The following TRPM3 variants were observed in gnomAD, a reference collection of about 807,000 sequenced individuals.
The protein encoded by TRPM3 is transient receptor potential cation channel subfamily M member 3.
A neutral mutation model predicts 181.2 loss-of-function variants in TRPM3; 77 were observed. The ratio of observed to expected loss-of-function variants is 0.42; its 90% confidence interval spans 0.35 to 0.51. The LOEUF (loss-of-function observed/expected upper bound fraction) is 0.51. Ranked by LOEUF, TRPM3 falls within the 20% of genes least tolerant of loss-of-function variation. The probability of loss-of-function intolerance (pLI) is 0.01; values close to 1 mark genes in which losing one functional copy is unlikely to be tolerated. For missense variants in TRPM3, 1,759 were observed against 2,196.7 expected (o/e 0.80, Z 3.98); for synonymous variants, 745 against 796.4 (o/e 0.94, Z 1.09).
chr9:71,205,326 A>G (rs2079061764), intron 1 of TRPM3, among the ~76,000 whole-genome samples: 1 of 152,126 alleles, frequency 6.6e-6, no homozygotes, highest in African/African-American at 2.4e-5. Context: ...AATAAGTACT[A>G]TTTTTACTCT....
chr9:70,650,453 A>C (rs1397227292), intron 9 of TRPM3, among the ~76,000 whole-genome samples: 1 of 152,226 alleles, frequency 6.6e-6, no homozygotes, highest in East Asian at 1.9e-4. Context: ...CTTTCTGGGC[A>C]TTGATGATTG....
chr9:71,309,219 T>C lies in TRPM3; in HGVS notation c.183+137434A>G, dbSNP rs139219682. 2.7e-3 allele frequency among the ~76,000 whole-genome samples: 415 copies of C among 152,342 alleles called. 4 individuals are homozygous for C. Among genetic ancestry groups the C allele is most frequent in the African/African-American group, 9.5e-3 (395 of 41,588 alleles). On this transcript the variant is annotated intron_variant, in intron 1 of 24. Coordinates refer to the TRPM3 transcript ENST00000357533. The stretch of plus-strand genomic sequence containing the variant: ...TCTTTTCTGTTGTCCAGCTTTTTAA[T>C]AGCTGTAACGTTTAGGACACCTAGA...
chr9:71,379,170 C>T (rs1480582387), intron 1 of TRPM3, among the ~76,000 whole-genome samples: 2 of 151,888 alleles, frequency 1.3e-5, no homozygotes, highest in Non-Finnish European at 2.9e-5. Context: ...CCTAAAGTGG[C>T]AAATTTATAT....
Position 70,625,507 on chromosome 9 carries a change from G to C in TRPM3, c.1643C>G (p.Pro548Arg). Residue 548 changes from proline to arginine, a missense_variant, in exon 13 of 26, where the codon CCA becomes CGA. Transcript: ENST00000677713. The surrounding 1 kb of genome is among the most constrained non-coding windows in gnomAD (Gnocchi z 4.8). ...CTTAAAATAGATCCAACCGAAACCTGGATACTCTCGCTTGGAAAGAAGACA... is the reference window on the plus strand; with the variant it reads ...CTTAAAATAGATCCAACCGAAACCTCGATACTCTCGCTTGGAAAGAAGACA... ...LVRDVKKREYPGFGWIYFKGN... is the reference protein window; with the variant it reads ...LVRDVKKREYRGFGWIYFKGN... 4 of 1,612,522 alleles carry C rather than the reference G, an allele frequency of 2.5e-6. No homozygotes were observed. The highest frequency in any genetic ancestry group is 3.4e-6 in the Non-Finnish European group (4 of 1,179,534).
intron 6 of TRPM3, among the ~76,000 whole-genome samples, chr9:70,805,218 A>C (rs902853514): frequency 2.5e-5 from 3 of 121,590 alleles, no homozygotes; most frequent in Non-Finnish European, 5.0e-5. Flanking sequence ...TGAGAGAGAG[A>C]CTGGGGTGGG....
chr9:71,330,298 C>T (rs945106073), intron 1 of TRPM3, among the ~76,000 whole-genome samples: 2 of 151,748 alleles, frequency 1.3e-5, no homozygotes, highest in Admixed American at 6.6e-5. Flanking sequence ...CACAGTAACT[C>T]AATTAGGGAA....
chr9:71,316,787 TA>T (rs1398665786), intron 1 of TRPM3, among the ~76,000 whole-genome samples: 1 of 152,142 alleles, frequency 6.6e-6, no homozygotes, highest in Non-Finnish European at 1.5e-5. Flanking sequence ...TTTTATTGTT[TA>T]AACCATTAAG....
intron 1 of TRPM3, among the ~76,000 whole-genome samples, chr9:71,050,197 C>G (rs547065690): frequency 5.4e-4 from 82 of 152,242 alleles, no homozygotes; most frequent in Non-Finnish European, 1.0e-3. Flanking sequence ...GGGATTATGA[C>G]TTATTCACCA....
At chr9:71,000,388 A>C (rs1405316105) in intron 1 of TRPM3, among the ~76,000 whole-genome samples, 1 of 152,226 alleles carries the variant, frequency 6.6e-6, no homozygotes. Context: ...GAAATAAAAT[A>C]AAGTGCTAAA....
chr9:70,685,570 T>C (rs530927591), intron 8 of TRPM3, among the ~76,000 whole-genome samples: 5 of 152,238 alleles, frequency 3.3e-5, no homozygotes, highest in Admixed American at 6.5e-5. Context: ...CACTCTCTGA[T>C]AAATTTTTAA....
intron 9 of TRPM3, among the ~76,000 whole-genome samples, chr9:70,676,040 C>T (rs2134157071): frequency 6.6e-6 from 1 of 152,330 alleles, no homozygotes; most frequent in South Asian, 2.1e-4. Context: ...CCTGCTGTGA[C>T]AATTTCTCAG....
intron 1 of TRPM3, among the ~76,000 whole-genome samples, chr9:71,313,769 A>G (rs535683926): frequency 1.3e-5 from 2 of 152,276 alleles, no homozygotes; most frequent in South Asian, 4.1e-4. Context: ...TTATTTCCTC[A>G]TTGGTCACTT....
Position 70,674,782 on chromosome 9 carries a change from T to C in TRPM3, c.1345+6724A>G, listed in dbSNP as rs1386004644. On this transcript the variant is annotated intron_variant, in intron 9 of 25. Transcript: ENST00000677713. ...GGTCTCACAATGTTGCCCAGGCTGA[T>C]CTTGAACTCCCAGGCTCAAGCAGTC... Among the ~76,000 whole-genome samples the C allele has an allele frequency of 4.7e-5, 7 of 147,866 alleles. No individual in the cohort carries two copies. In the Admixed American group the frequency reaches 4.8e-4, roughly 10 times the overall value.
chr9:71,264,123 CT>C lies in TRPM3; in HGVS notation c.183+182529del, dbSNP rs768114313. Among the ~76,000 whole-genome samples, 3 of 152,208 alleles carry C rather than the reference CT, an allele frequency of 2.0e-5. No homozygotes were observed. The East Asian group carries it at 5.8e-4, about 30-fold the overall frequency. On this transcript the variant is annotated intron_variant, in intron 1 of 24. Transcript: ENST00000357533. ...CACCTATTCTTATTAATCCTTACCC[CT>C]GATCTAGCCCACACAATTAGTGTGA... is the stretch of plus-strand genomic sequence containing the variant.
rs116398669 is a variant in TRPM3 at position 70,868,499 on chromosome 9, T to A, written c.178-3988A>T. ...AGGATTCAATGTTTTTCACAAAGTC[T>A]TTGCTACAAATGTTAGTCCCCAAAC... On this transcript the variant is annotated intron_variant, in intron 1 of 25. Transcript: ENST00000677713. Among the ~76,000 whole-genome samples, 387 of 152,186 alleles carry A rather than the reference T, an allele frequency of 2.5e-3. 2 individuals carry two copies. The highest frequency in any genetic ancestry group is 9.0e-3 in the African/African-American group (372 of 41,552).
intron 1 of TRPM3, among the ~76,000 whole-genome samples, chr9:71,290,954 GAT>G (rs2085758094): frequency 6.6e-6 from 1 of 151,868 alleles, no homozygotes; most frequent in African/African-American, 2.4e-5. Context: ...AATGAAGACA[GAT>G]ATATCAGCAA....
At position 70,535,913 on chromosome 9, in the gene TRPM3, G is replaced by T. The variant is rs774461920; in HGVS notation, c.*40C>A. On this transcript the variant is annotated 3_prime_UTR_variant, in exon 26 of 26. Coordinates refer to ENST00000677713, the MANE Select transcript of TRPM3 (RefSeq NM_001366145.2). ...AACTGGAGTTGGAGAGAATTTTAGG[G>T]CTGGATTCTTGAGCCTTCTGTGGCG... 6.5e-7 allele frequency: 1 copy of T among 1,535,296 alleles called. No individual in the cohort carries two copies.
intron 8 of TRPM3, among the ~76,000 whole-genome samples, chr9:70,693,053 C>CA (rs2069065367): frequency 6.6e-6 from 1 of 151,916 alleles, no homozygotes; most frequent in Non-Finnish European, 1.5e-5. Flanking sequence ...GTGATGAGGG[C>CA]AAAAAATGGA....
intron 1 of TRPM3, among the ~76,000 whole-genome samples, chr9:71,385,871 A>AT (rs1205577800): frequency 2.0e-5 from 3 of 151,194 alleles, no homozygotes; most frequent in South Asian, 2.1e-4. Context: ...CACCTGGCTA[A>AT]TTTTTTTTGG....
Sources: gnomAD v4.1 joint callset for allele counts (sites outside exome capture counted in the v4.1 genomes callset) on GRCh38, gnomAD v4.1.1 for gene constraint, Gnocchi (gnomAD v3.1) non-coding constraint, MANE v1.5 for transcripts, NCBI Gene and HGNC (gene_info 2026-07-23, HGNC 2026-07-21) for gene names.